KCNK10: variants seen among roughly 807,000 people sequenced by gnomAD.
KCNK10 encodes the protein potassium two pore domain channel subfamily K member 10, also known as potassium channel subfamily K member 10.
A neutral mutation model predicts 47.7 loss-of-function variants in KCNK10; 25 were observed. The observed-to-expected ratio is 0.52, with a 90% CI of 0.38 to 0.73. The LOEUF (loss-of-function observed/expected upper bound fraction) is 0.73. Ranked by LOEUF, KCNK10 falls within the 30% of genes least tolerant of loss-of-function variation. KCNK10 has a pLI of 0.00. For missense variants in KCNK10, 563 were observed against 714.5 expected (o/e 0.79, Z 2.42); for synonymous variants, 303 against 285.6 (o/e 1.06, Z -0.61).
intron 5 of KCNK10, 151 bp downstream of exon 5, chr14:88,192,073 G>A: frequency 1.5e-6 from 1 of 687,548 alleles, no homozygotes; most frequent in Non-Finnish European, 2.4e-6. Context: ...ATAGGACTAG[G>A]GATTTGAAAT....
intron 4 of KCNK10, among the ~76,000 whole-genome samples, chr14:88,212,163 GGGCATGGT>G (rs1885484908): frequency 6.6e-6 from 1 of 150,542 alleles, no homozygotes; most frequent in Non-Finnish European, 1.5e-5. Context: ...GAGAGAGGCC[GGGCATGGT>G]GGCTTATGCC....
At chr14:88,191,665 T>G (rs1884752764) in intron 5 of KCNK10, among the ~76,000 whole-genome samples, 1 of 152,200 alleles carries the variant, frequency 6.6e-6, no homozygotes, top group Admixed American at 6.5e-5. Context: ...AGGCTATTGC[T>G]TGTATATACA....
chr14:88,301,454 T>G (rs1313113851), intron 1 of KCNK10, among the ~76,000 whole-genome samples: 1 of 152,154 alleles, frequency 6.6e-6, no homozygotes, highest in Admixed American at 6.6e-5. Flanking sequence ...TTTTAGTTTA[T>G]TAAACTAACA....
At chr14:88,268,057 G>T (rs1041633991) in intron 1 of KCNK10, among the ~76,000 whole-genome samples, 3 of 152,182 alleles carry the variant, frequency 2.0e-5, no homozygotes, top group Non-Finnish European at 4.4e-5. Flanking sequence ...ATGTGTGAGA[G>T]AAAATGATAG....
chr14:88,208,477 A>G (rs567595237), intron 4 of KCNK10, among the ~76,000 whole-genome samples: 1 of 152,366 alleles, frequency 6.6e-6, no homozygotes, highest in Non-Finnish European at 1.5e-5. Flanking sequence ...GCTCAGGACA[A>G]TTGAGGCTTT....
At chr14:88,295,886 G>C (rs532424388) in intron 1 of KCNK10, among the ~76,000 whole-genome samples, 27 of 152,220 alleles carry the variant, frequency 1.8e-4, no homozygotes, top group African/African-American at 6.3e-4. Flanking sequence ...CTGAGTTCCA[G>C]AGTCTTAACT....
At chr14:88,287,878 T>C (rs183682642) in intron 1 of KCNK10, among the ~76,000 whole-genome samples, 6 of 152,322 alleles carry the variant, frequency 3.9e-5, no homozygotes, top group African/African-American at 1.4e-4. Context: ...AGGAGTGGGA[T>C]TGTTGGATCA....
chr14:88,273,312 C>T (rs1887450864), intron 1 of KCNK10, among the ~76,000 whole-genome samples: 1 of 152,154 alleles, frequency 6.6e-6, no homozygotes, highest in Admixed American at 6.5e-5. Flanking sequence ...CTGTCTCCAG[C>T]ACCATTCACA....
At chr14:88,264,952 G>C (rs4899945) in intron 1 of KCNK10, among the ~76,000 whole-genome samples, 14,147 of 152,058 alleles carry the variant, frequency 0.093, 1,884 homozygotes, top group African/African-American at 0.29. Context: ...CATTCATTCT[G>C]CCTCATCACT....
chr14:88,231,903 G>A (rs1222437186), intron 3 of KCNK10, among the ~76,000 whole-genome samples: 2 of 152,190 alleles, frequency 1.3e-5, no homozygotes, highest in East Asian at 1.9e-4. Context: ...AAGGAGTAGC[G>A]CTGCTTTTCA....
rs142163420 is a variant in KCNK10, at chr14:88,243,220, G to A, written c.403-2400C>T. ...AACAGTTGTTAAGTGCCTGCCTTTCGCCAGGTGCACTAGAAGCGTCATTCT... is the reference window on the plus strand; with the variant it reads ...AACAGTTGTTAAGTGCCTGCCTTTCACCAGGTGCACTAGAAGCGTCATTCT... On this transcript the variant is annotated intron_variant, in intron 2 of 6. Coordinates refer to ENST00000319231, the MANE Select transcript of KCNK10 (RefSeq NM_138317.3). Among the ~76,000 whole-genome samples the A allele has an allele frequency of 2.5e-3, 374 of 152,272 alleles. 2 individuals are homozygous for A. The highest frequency in any genetic ancestry group is 8.3e-3 in the African/African-American group (344 of 41,544).
chr14:88,188,342 T>C (rs1365984931), intron 5 of KCNK10, among the ~76,000 whole-genome samples: 1 of 151,974 alleles, frequency 6.6e-6, no homozygotes, highest in Non-Finnish European at 1.5e-5. Context: ...CTAACCTTAA[T>C]ACCAGAAATA....
At chr14:88,218,636 GA>G (rs1322368892) in intron 4 of KCNK10, among the ~76,000 whole-genome samples, 1 of 151,854 alleles carries the variant, frequency 6.6e-6, no homozygotes, top group Non-Finnish European at 1.5e-5. Flanking sequence ...ATCCGAGCCG[GA>G]AAAAAAGAAG....
chr14:88,257,501 C>T (rs1886990447), intron 2 of KCNK10, among the ~76,000 whole-genome samples: 1 of 152,240 alleles, frequency 6.6e-6, no homozygotes, highest in South Asian at 2.1e-4. Context: ...CATTGGGATA[C>T]CCTCCAACCA....
upstream of KCNK10, chr14:88,326,353 A>G (rs897664312): frequency 2.8e-6 from 4 of 1,414,868 alleles, no homozygotes; most frequent in South Asian, 2.3e-5. Context: ...CCTTTGGGCT[A>G]CTGCAATCCC....
At chr14:88,207,415 C>G (rs1163394447) in intron 4 of KCNK10, among the ~76,000 whole-genome samples, 1 of 152,054 alleles carries the variant, frequency 6.6e-6, no homozygotes, top group Non-Finnish European at 1.5e-5. Flanking sequence ...ACCTCATGAT[C>G]CGCCCGCCTC....
intron 1 of KCNK10, among the ~76,000 whole-genome samples, chr14:88,293,224 A>T (rs1595125664): frequency 6.6e-6 from 1 of 152,156 alleles, no homozygotes; most frequent in East Asian, 1.9e-4. Flanking sequence ...TGCTATAGCC[A>T]CCCCTTCTCA....
chr14:88,191,820 C>A (rs2139827024), intron 5 of KCNK10, among the ~76,000 whole-genome samples: 1 of 152,306 alleles, frequency 6.6e-6, no homozygotes, highest in East Asian at 1.9e-4. Flanking sequence ...GGAAGCTGAA[C>A]CTGCAGGTCA....
At chr14:88,267,546 A>G (rs1337000875) in intron 1 of KCNK10, among the ~76,000 whole-genome samples, 1 of 151,654 alleles carries the variant, frequency 6.6e-6, no homozygotes, top group Non-Finnish European at 1.5e-5. Context: ...GATTTTTTGT[A>G]TTTTTAGTAG....
Sources: allele counts gnomAD v4.1 joint callset (sites outside exome capture counted in the v4.1 genomes callset), GRCh38; gene constraint gnomAD v4.1.1; transcripts MANE v1.5; gene names NCBI Gene and HGNC (gene_info 2026-07-23, HGNC 2026-07-21).